The following ABCA8 variants were observed in gnomAD, a reference collection of about 807,000 sequenced individuals.
ABCA8 encodes the protein ATP binding cassette subfamily A member 8.
A neutral mutation model predicts 192.3 loss-of-function variants in ABCA8; 177 were observed. The observed-to-expected ratio is 0.92, with a 90% CI of 0.81 to 1.04. The LOEUF is 1.04. Among genes scored for constraint, ABCA8 ranks in the 50% least tolerant of loss-of-function variants. ABCA8 has a pLI of 0.00. For missense variants in ABCA8, 1,915 were observed against 1,904.8 expected, an observed-to-expected ratio of 1.01 and a Z score of -0.10; for synonymous variants, 642 against 690.2, an observed-to-expected ratio of 0.93 and a Z score of 1.09.
In ABCA8 at chr17:68,868,035, T is replaced by A. The variant is rs776275157; in HGVS notation, c.*50A>T. 1 of 1,266,842 alleles carries A rather than the reference T, an allele frequency of 7.9e-7. No homozygotes were observed. Among genetic ancestry groups the A allele is most frequent in the South Asian group, 1.4e-5 (1 of 71,814 alleles). The allele number at this position is 1,266,842 out of a possible 1,614,324, so 78.5% of individuals were successfully genotyped here. A position where few individuals can be genotyped will look rare whatever the true frequency, so the allele number is the denominator to read the frequency against. ...AGAACATTGCTGCTATAAAAATAAA[T>A]GTATTTAAAAAAAACCACGGGTTTA... On this transcript the variant is annotated 3_prime_UTR_variant, in exon 40 of 40. Coordinates refer to ENST00000586539, the MANE Select transcript of ABCA8 (RefSeq NM_001288985.2).
chr17:68,937,876 T>C (rs4147965), intron 4 of ABCA8, among the ~76,000 whole-genome samples: 61,361 of 146,620 alleles, frequency 0.42, 14,718 homozygotes, highest in Non-Finnish European at 0.54. Flanking sequence ...AGAATATTAA[T>C]AGAGTACAGA....
intron 11 of ABCA8, among the ~76,000 whole-genome samples, chr17:68,922,509 G>A (rs554921870): frequency 5.9e-5 from 9 of 152,104 alleles, no homozygotes; most frequent in Middle Eastern, 6.8e-3. Flanking sequence ...AGTTACATGT[G>A]AGGAGTTATA....
chr17:68,886,331 G>T (rs1245897869), intron 26 of ABCA8, among the ~76,000 whole-genome samples: 1 of 152,010 alleles, frequency 6.6e-6, no homozygotes, highest in Non-Finnish European at 1.5e-5. Flanking sequence ...CTTGTTTTTT[G>T]TCTATATCTA....
chr17:68,941,736 C>A (rs2068234719), intron 3 of ABCA8, among the ~76,000 whole-genome samples: 1 of 152,084 alleles, frequency 6.6e-6, no homozygotes, highest in Non-Finnish European at 1.5e-5. Flanking sequence ...TGGTTTCAGA[C>A]CTCAATTTAT....
At position 68,927,924 on chromosome 17, in the gene ABCA8, A is replaced by G; in HGVS notation, c.1265T>C (p.Ile422Thr). 2.5e-6 allele frequency: 4 copies of G among 1,597,110 alleles called. No individual in the cohort carries two copies. Among genetic ancestry groups the G allele is most frequent in the Non-Finnish European group, 3.4e-6 (4 of 1,174,362 alleles). ...ATCATATCATTACTCACTTGGCAAA[A>G]TTTTTTCAAAGTAAATCGCCAATGC... ...YLALAIYFEK[I>T]LPNEYGHRRP... is the part of the protein sequence containing the mutation. The change falls in exon 10 of 40, where the codon ATT (isoleucine) becomes ACT (threonine). Residue 422 changes from isoleucine (I) to threonine (T), a missense_variant. Ile to Thr is a moderately conservative substitution (Grantham distance 89, BLOSUM62 -1). Transcript: ENST00000586539.
Position 68,882,658 on chromosome 17 carries a change from C to T in ABCA8, c.3769G>A (p.Asp1257Asn), listed in dbSNP as rs1174204665. The T allele has an allele frequency of 1.2e-6, 2 of 1,612,874 alleles. No homozygotes were observed. Among genetic ancestry groups the T allele is most frequent in the Non-Finnish European group, 8.5e-7 (1 of 1,179,384 alleles). The change falls in exon 30 of 40, where the codon GAT becomes AAT. Residue 1257 changes from aspartate to asparagine, a missense_variant. Physicochemically the swap from Asp to Asn is conservative, Grantham distance 23. Transcript: ENST00000586539. ...GTTCTCACTCTTTCCATCTGAACAT[C>T]TTCATCCTCTCCTTCTGGTTCTTCT... ...NPEEPEGEDE[D>N]VQMERVRTAN...
At chr17:68,953,110 T>C (rs1055371170) in intron 1 of ABCA8, among the ~76,000 whole-genome samples, 2 of 152,188 alleles carry the variant, frequency 1.3e-5, no homozygotes, top group Non-Finnish European at 2.9e-5. Flanking sequence ...AAATGGTCTT[T>C]GCCGTGGGAG....
At chr17:68,932,257 C>T (rs564593172) in intron 7 of ABCA8, 31 bp downstream of exon 7, 20 of 1,518,184 alleles carry the variant, frequency 1.3e-5, no homozygotes, top group Admixed American at 1.9e-5. Context: ...TGAGTTCCTC[C>T]GTTTATTTAT....
chr17:68,885,168 G>A, intron 27 of ABCA8, 28 bp downstream of exon 27: 1 of 1,602,294 alleles, frequency 6.2e-7, no homozygotes, highest in Non-Finnish European at 8.5e-7. Flanking sequence ...AGTTTCAAGG[G>A]ACTGGGACAG....
chr17:68,893,126 G>A (rs2066655052), intron 23 of ABCA8, among the ~76,000 whole-genome samples: 1 of 152,138 alleles, frequency 6.6e-6, no homozygotes, highest in African/African-American at 2.4e-5. Context: ...ATAAGTTGAT[G>A]AGCCTAACAC....
At chr17:68,871,773 T>G (rs2066064516) in intron 37 of ABCA8, among the ~76,000 whole-genome samples, 1 of 152,180 alleles carries the variant, frequency 6.6e-6, no homozygotes, top group Admixed American at 6.5e-5. Flanking sequence ...GCATAACATA[T>G]TACTTATGTG....
Position 68,869,776 on chromosome 17 carries a change from G to A in ABCA8, c.4635C>T (p.Tyr1545=). ...GCAACTTATAAACCATCAGAGAGGA[G>A]TACCTGAGAGAAAAGGAGAGGTAAG... The part of the protein sequence containing the change: ...LFPQAARQER[Y]SSLMVYKLPV... Residue 1545 remains tyrosine, a synonymous_variant, in exon 38 of 40, where the codon TAC becomes TAT. Coordinates refer to ENST00000586539, the MANE Select transcript of ABCA8 (RefSeq NM_001288985.2). The A allele has an allele frequency of 6.2e-7, 1 of 1,609,880 alleles. No individual in the cohort carries two copies. Among genetic ancestry groups the A allele is most frequent in the Non-Finnish European group, 8.5e-7 (1 of 1,176,336 alleles).
At position 68,903,366 on chromosome 17, in the gene ABCA8, T is replaced by C; in HGVS notation, c.2532A>G (p.Gln844=). 2.5e-6 allele frequency: 4 copies of C among 1,614,206 alleles called. No individual in the cohort carries two copies. Among genetic ancestry groups the C allele is most frequent in the Non-Finnish European group, 3.4e-6 (4 of 1,180,030 alleles). Reference sequence around the variant, plus strand: ...AGCGAACCCTTGCAATTGCGCAGATTTGCTGTCGCCAGAGAGCCACACCAC... The same window carrying C: ...AGCGAACCCTTGCAATTGCGCAGATCTGCTGTCGCCAGAGAGCCACACCAC... The part of the protein sequence containing the change: ...TIGGVALWRQ[Q]ICAIARVRLL... The change falls in exon 20 of 40, where the codon CAA becomes CAG. Residue 844 remains glutamine (Q), a synonymous_variant. Transcript: ENST00000586539.
At position 68,929,701 on chromosome 17, in the gene ABCA8, G is replaced by A; in HGVS notation, c.799C>T (p.Leu267Phe). 6.3e-7 allele frequency: 1 copy of A among 1,591,264 alleles called. No individual in the cohort carries two copies. Among genetic ancestry groups the A allele is most frequent in the African/African-American group, 1.4e-5 (1 of 73,402 alleles). ...CCAGCATAGAGCAAACCCCAGGAGA[G>A]CCTAATGTGGAAACAAAATGTTATT... ...MMGLRDSAFW[L>F]SWGLLYAGFI... is the part of the protein sequence containing the mutation. Residue 267 changes from leucine to phenylalanine, a missense_variant and splice_region_variant, in exon 8 of 40, where the codon CTC becomes TTC. By Grantham distance (22) the Leu-to-Phe change is conservative. Transcript: ENST00000586539.
In ABCA8 at chr17:68,906,122, C is replaced by G; in HGVS notation, c.2320G>C (p.Glu774Gln). 1 of 1,601,378 alleles carries G rather than the reference C, an allele frequency of 6.2e-7. No individual in the cohort carries two copies. Among genetic ancestry groups the G allele is most frequent in the African/African-American group, 1.3e-5 (1 of 74,692 alleles). ...DLDSYPDLGI[E>Q]NYGVSMTTLN... ...GTTGTCATGGAAACACCATAATTCT[C>G]AATTCCTAGGTCAGGATAGCTATCA... is the stretch of plus-strand genomic sequence containing the variant. The change falls in exon 19 of 40, where the codon GAG (glutamate) becomes CAG (glutamine). Residue 774 changes from glutamate (E) to glutamine (Q), a missense_variant. By Grantham distance (29) the Glu-to-Gln change is conservative. Transcript: ENST00000586539.
chr17:68,894,677 T>C (rs1423183336), intron 22 of ABCA8: 2 of 580,268 alleles, frequency 3.4e-6, no homozygotes, highest in Non-Finnish European at 5.9e-6. Context: ...GTAGGTATTC[T>C]ATAGTATGTA....
At chr17:68,892,838 T>A (rs2066648117) in intron 23 of ABCA8, among the ~76,000 whole-genome samples, 1 of 152,188 alleles carries the variant, frequency 6.6e-6, no homozygotes, top group African/African-American at 2.4e-5. Context: ...AAGATCTTGC[T>A]GGACCATATG....
At chr17:68,943,364 GTATAGA>G (rs1249882032) in intron 2 of ABCA8, among the ~76,000 whole-genome samples, 1 of 152,090 alleles carries the variant, frequency 6.6e-6, no homozygotes, top group African/African-American at 2.4e-5. Flanking sequence ...CCGTGTATGT[GTATAGA>G]TATACTTTTT....
chr17:68,948,362 A>G (rs2068474265), intron 2 of ABCA8, among the ~76,000 whole-genome samples: 2 of 152,156 alleles, frequency 1.3e-5, no homozygotes, highest in South Asian at 4.1e-4. Context: ...ACTCCCACTA[A>G]CAGTATAAAA....
Sources: gnomAD v4.1 joint callset for allele counts (sites outside exome capture counted in the v4.1 genomes callset) on GRCh38, gnomAD v4.1.1 for gene constraint, MANE v1.5 for transcripts, NCBI Gene and HGNC (gene_info 2026-07-23, HGNC 2026-07-21) for gene names.